DIDO1: variants seen among roughly 807,000 people sequenced by gnomAD.
DIDO1 encodes the protein death-inducer obliterator 1.
In DIDO1, 16 loss-of-function variants were observed where a neutral mutation model predicts 99.4. That is an observed-to-expected ratio of 0.16 (90% CI 0.11 to 0.24). The LOEUF is 0.24. Ranked by LOEUF, DIDO1 falls within the 10% of genes least tolerant of loss-of-function variation. The pLI, the probability that DIDO1 is intolerant of heterozygous loss-of-function variation, is 1.00. For synonymous variants in DIDO1, 1,366 were observed against 1,239.1 expected (o/e 1.10, Z -2.15); for missense variants, 2,996 against 3,014.0 (o/e 0.99, Z 0.14).
rs371105134 is a variant in DIDO1 at position 62,894,819 on chromosome 20, C to T, written c.2427G>A (p.Ser809=). The change falls in exon 10 of 16, where the codon TCG becomes TCA. Residue 809 remains serine, a synonymous_variant. Coordinates refer to ENST00000395343, the MANE Select transcript of DIDO1 (RefSeq NM_001193369.2). This position sits in a 1 kb window ranked among gnomAD's most constrained non-coding sequence, Gnocchi z 4.4. The part of the protein sequence containing the change: ...IPDLEDSPPV[S]DSEEQQESAR... ...TCTCCCAAATGCTTACCTCTGAATCCGACACTGGCGGAGAGTCCTCCAGAT... is the reference window on the plus strand; with the variant it reads ...TCTCCCAAATGCTTACCTCTGAATCTGACACTGGCGGAGAGTCCTCCAGAT... 19 of 1,612,360 alleles carry T rather than the reference C, an allele frequency of 1.2e-5. No individual in the cohort carries two copies. The highest frequency in any genetic ancestry group is 3.4e-5 in the Admixed American group (2 of 59,468).
At chr20:62,910,622 A>T in intron 3 of DIDO1, 152 bp downstream of exon 3, 2 of 941,504 alleles carry the variant, frequency 2.1e-6, no homozygotes, top group Non-Finnish European at 3.2e-6. Context: ...GGAAGTCCTT[A>T]GCCACTCTTA....
intron 3 of DIDO1, 88 bp from the exon 4 acceptor site, chr20:62,910,108 AT>A: frequency 7.3e-7 from 1 of 1,368,396 alleles, no homozygotes; most frequent in Non-Finnish European, 9.9e-7. Context: ...TTTTAACTTC[AT>A]GAAAAAATGC....
At position 62,894,143 on chromosome 20, in the gene DIDO1, G is replaced by A. The variant is rs2064462665; in HGVS notation, c.2624C>T (p.Ser875Leu). Reference protein sequence around the residue: ...DEPAPKKQKLSASVKKEDLKS... With the variant: ...DEPAPKKQKLLASVKKEDLKS... ...TAAGTCTTCTTTCTTAACAGAAGCT[G>A]ACAATTTTTGTTTTTTCGGAGCTGG... Residue 875 changes from serine (S) to leucine (L), a missense_variant, in exon 12 of 16, where the codon TCA (serine) becomes TTA (leucine). Coordinates refer to ENST00000395343, the MANE Select transcript of DIDO1 (RefSeq NM_001193369.2). This position sits in a 1 kb window ranked among gnomAD's most constrained non-coding sequence, Gnocchi z 4.4. The A allele has an allele frequency of 6.2e-7, 1 of 1,614,024 alleles. No individual in the cohort carries two copies. The highest frequency in any genetic ancestry group is 8.5e-7 in the Non-Finnish European group (1 of 1,180,020).
chr20:62,881,798 G>A lies in DIDO1; in HGVS notation c.4158C>T (p.Asp1386=), dbSNP rs1311361887. ...LEEEEDDRPY[D]PEEEYDPERA... The stretch of plus-strand genomic sequence containing the variant: ...TCTCCGGGTCGTACTCCTCCTCAGG[G>A]TCGTATGGCCTGTCGTCCTCCTCTT... Residue 1386 remains aspartate (D), a synonymous_variant, in exon 16 of 16, where the codon GAC becomes GAT. Coordinates refer to ENST00000395343, the MANE Select transcript of DIDO1 (RefSeq NM_001193369.2). This position sits in a 1 kb window ranked among gnomAD's most constrained non-coding sequence, Gnocchi z 8.3. 4 of 1,613,454 alleles carry A rather than the reference G, an allele frequency of 2.5e-6. No homozygotes were observed. Among genetic ancestry groups the A allele is most frequent in the Non-Finnish European group, 3.4e-6 (4 of 1,180,012 alleles).
Position 62,894,630 on chromosome 20 carries a change from C to T in DIDO1, c.2437-82G>A. The T allele has an allele frequency of 6.5e-7, 1 of 1,548,654 alleles. No individual in the cohort carries two copies. ...ATTAACCACACACAAGAAAAGCAGTCTCATGGGATTGAGACCCACGGGGGA... is the reference window on the plus strand; with the variant it reads ...ATTAACCACACACAAGAAAAGCAGTTTCATGGGATTGAGACCCACGGGGGA... On this transcript the variant is annotated intron_variant, in intron 10 of 15. Transcript: ENST00000395343. This position sits in a 1 kb window ranked among gnomAD's most constrained non-coding sequence, Gnocchi z 4.4.
intron 4 of DIDO1, among the ~76,000 whole-genome samples, chr20:62,909,488 T>A (rs1166433198): frequency 6.6e-6 from 1 of 152,232 alleles, no homozygotes; most frequent in Non-Finnish European, 1.5e-5. Flanking sequence ...GATGGGCTGA[T>A]TTCAACAATT....
chr20:62,903,113 A>G (rs765935600), intron 6 of DIDO1, among the ~76,000 whole-genome samples: 2 of 152,256 alleles, frequency 1.3e-5, no homozygotes, highest in Admixed American at 6.5e-5. Context: ...GAGAGAAGTT[A>G]TGTGCACCAA....
chr20:62,899,715 A>T (rs1406732427), intron 6 of DIDO1, among the ~76,000 whole-genome samples: 1 of 152,232 alleles, frequency 6.6e-6, no homozygotes, highest in Non-Finnish European at 1.5e-5. Flanking sequence ...TGTGCTTTAA[A>T]GAGCATGGAA....
chr20:62,915,655 A>G (rs2065024631), intron 1 of DIDO1, among the ~76,000 whole-genome samples: 1 of 152,020 alleles, frequency 6.6e-6, no homozygotes, highest in Non-Finnish European at 1.5e-5. Context: ...TGCCCAGCTA[A>G]TTTTTGAAAA....
At chr20:62,885,579 C>T (rs571361261) in intron 15 of DIDO1, among the ~76,000 whole-genome samples, 2 of 152,318 alleles carry the variant, frequency 1.3e-5, no homozygotes, top group Admixed American at 1.3e-4. Context: ...TAAATGCTCC[C>T]AGCTCTTGGT....
chr20:62,908,027 C>T (rs757971439), intron 4 of DIDO1, among the ~76,000 whole-genome samples: 23 of 151,886 alleles, frequency 1.5e-4, no homozygotes, highest in African/African-American at 4.6e-4. Flanking sequence ...TTGCCCAGGC[C>T]GGAGAGCAGT....
In DIDO1 at chr20:62,881,694, C is replaced by T. The variant is rs767479028; in HGVS notation, c.4262G>A (p.Arg1421Gln). ...CTCGGGGTCATAGGCCACCTCTTCC[C>T]GCTCGGCTGCAGCTGCTTCAGGAGC... ...ERAPEAAAAE[R>Q]EEVAYDPEDE... Residue 1421 changes from arginine to glutamine, a missense_variant, in exon 16 of 16, where the codon CGG becomes CAG. Around this residue, in one of 5 missense-constraint regions of DIDO1, gnomAD observed 1,562 missense variants for 1,412.6 expected, o/e 1.11. Transcript: ENST00000395343. The surrounding 1 kb of genome is among the most constrained non-coding windows in gnomAD (Gnocchi z 8.3). The T allele has an allele frequency of 5.0e-6, 8 of 1,612,778 alleles. No individual in the cohort carries two copies. The highest frequency in any genetic ancestry group is 1.1e-5 in the South Asian group (1 of 91,082).
chr20:62,906,481 C>T (rs899012627), intron 5 of DIDO1, among the ~76,000 whole-genome samples: 5 of 152,196 alleles, frequency 3.3e-5, no homozygotes, highest in African/African-American at 9.7e-5. Flanking sequence ...GAAAGGCCTG[C>T]GCGCGAGGCT....
rs375315273 is a variant in DIDO1, at chr20:62,903,225, A to AG, written c.1588+2661dup. ...GTGAAGGACCTACTGATATCTTAGC[A>AG]GGGGGCACAGCCTCCTTCTAGCAAT... On this transcript the variant is annotated intron_variant, in intron 6 of 15. Transcript: ENST00000395343. 1.4e-3 allele frequency among the ~76,000 whole-genome samples: 217 copies of AG among 152,358 alleles called. 3 individuals are homozygous for AG. Among genetic ancestry groups the AG allele is most frequent in the Middle Eastern group, 0.014 (4 of 294 alleles).
chr20:62,901,744 G>T (rs1600967881), intron 6 of DIDO1, among the ~76,000 whole-genome samples: 1 of 147,654 alleles, frequency 6.8e-6, no homozygotes, highest in Admixed American at 6.8e-5. Context: ...AAAAATTCTT[G>T]TCAATATTCT....
rs769538311 is a variant in DIDO1, at chr20:62,911,048, G to A, written c.565C>T (p.Arg189Trp). Residue 189 changes from arginine to tryptophan, a missense_variant, in exon 3 of 16, where the codon CGG becomes TGG. Arg to Trp is a moderately radical substitution (Grantham distance 101). Around this residue, in one of 5 missense-constraint regions of DIDO1, gnomAD observed 388 missense variants for 376.6 expected, o/e 1.03. Transcript: ENST00000395343. The surrounding 1 kb of genome is among the most constrained non-coding windows in gnomAD (Gnocchi z 7.0). ...RPLKGIQSRL[R>W]KKRREEGPAE... ...GGACCCTCCTCCCGGCGCTTCTTCC[G>A]CAGGCGACTCTGGATCCCTTTCAGG... 1.4e-5 allele frequency: 22 copies of A among 1,613,588 alleles called. No homozygotes were observed. Among genetic ancestry groups the A allele is most frequent in the South Asian group, 2.2e-5 (2 of 91,072 alleles).
intron 6 of DIDO1, among the ~76,000 whole-genome samples, chr20:62,898,473 C>T (rs756385750): frequency 1.2e-4 from 19 of 152,160 alleles, no homozygotes; most frequent in Non-Finnish European, 2.2e-4. Context: ...CCCCAACTTT[C>T]AAACAATGGT....
At chr20:62,899,909 G>A (rs566338992) in intron 6 of DIDO1, among the ~76,000 whole-genome samples, 1 of 152,244 alleles carries the variant, frequency 6.6e-6, no homozygotes, top group Non-Finnish European at 1.5e-5. Context: ...TGCTCAACTT[G>A]GGTCAGCTGC....
intron 1 of DIDO1, among the ~76,000 whole-genome samples, chr20:62,935,099 C>T (rs909892344): frequency 5.3e-5 from 8 of 152,170 alleles, no homozygotes; most frequent in African/African-American, 1.7e-4. Flanking sequence ...ACCTTTCCCT[C>T]GTTGTTGCAC....
Sources: allele counts gnomAD v4.1 joint callset (sites outside exome capture counted in the v4.1 genomes callset), GRCh38; gene constraint gnomAD v4.1.1; regional missense constraint gnomAD v4.1.1; non-coding constraint Gnocchi (gnomAD v3.1); transcripts MANE v1.5; gene names NCBI Gene and HGNC (gene_info 2026-07-23, HGNC 2026-07-21).